The following TENM3 variants were observed in gnomAD, a reference collection of about 807,000 sequenced individuals.
TENM3 encodes teneurin-3.
TENM3 carries 63 observed loss-of-function variants against 255.1 expected under a neutral mutation model. The ratio of observed to expected loss-of-function variants is 0.25; its 90% CI spans 0.20 to 0.30. The LOEUF (loss-of-function observed/expected upper bound fraction) is 0.30, where lower values mean the gene tolerates loss of function less well. TENM3 is among the 10% of genes least tolerant of loss of function. The pLI, the probability that TENM3 is intolerant of heterozygous loss-of-function variation, is 1.00. For synonymous variants in TENM3, 1,306 were observed against 1,322.3 expected (o/e 0.99, Z 0.27); for missense variants, 2,929 against 3,461.1 (o/e 0.85, Z 3.86).
At chr4:182,560,245 C>T (rs964364024) in intron 3 of TENM3, among the ~76,000 whole-genome samples, 2 of 151,972 alleles carry the variant, frequency 1.3e-5, no homozygotes, top group African/African-American at 4.8e-5. Context: ...CATAAATACA[C>T]TTTTATTTAT....
At chr4:181,905,864 A>G in the TENM3 span, 1 of 463,640 alleles carries the variant, frequency 2.2e-6, no homozygotes, top group Non-Finnish European at 4.1e-6. Flanking sequence ...TATCATCATT[A>G]TCTTCACAGC....
At chr4:182,508,857 A>C (rs758803027) in intron 3 of TENM3, among the ~76,000 whole-genome samples, 1 of 152,256 alleles carries the variant, frequency 6.6e-6, no homozygotes, top group Non-Finnish European at 1.5e-5. Context: ...CATGGACAGA[A>C]ACAGTTGATA....
At chr4:182,636,300 A>T (rs1349509802) in intron 5 of TENM3, among the ~76,000 whole-genome samples, 2 of 152,196 alleles carry the variant, frequency 1.3e-5, no homozygotes, top group Non-Finnish European at 2.9e-5. Context: ...TTAAGGACAT[A>T]TTTAAGCCTG....
chr4:182,315,537 G>A (rs536244925), intron 1 of TENM3, among the ~76,000 whole-genome samples: 2 of 151,972 alleles, frequency 1.3e-5, no homozygotes, highest in African/African-American at 4.8e-5. Context: ...CACTGGTTTT[G>A]AGCAGTTAAA....
intron 1 of TENM3, among the ~76,000 whole-genome samples, chr4:182,180,032 T>G: frequency 6.6e-6 from 1 of 152,260 alleles, no homozygotes; most frequent in African/African-American, 2.4e-5. Context: ...ATGTACTTAC[T>G]TAAGTATTTG....
the TENM3 span, among the ~76,000 whole-genome samples, chr4:181,541,082 T>C: frequency 3.3e-5 from 5 of 152,102 alleles, no homozygotes; most frequent in African/African-American, 9.7e-5. Flanking sequence ...GTATATGCAT[T>C]GAAAGTTCAG....
rs185861822 is a variant in TENM3 at position 182,600,795 on chromosome 4, T to A, written c.512-129T>A. 2.6e-4 allele frequency: 129 copies of A among 489,238 alleles called. 1 individual carries two copies. The highest frequency in any genetic ancestry group is 2.4e-3 in the African/African-American group (122 of 50,532). The allele number at this position is 489,238 out of a possible 1,614,324, so 30.3% of individuals were successfully genotyped here. ...AGAATAATATGCAAATTTATTAGGT[T>A]ATGGATTTATATGCAGTTTTTAATT... On this transcript the variant is annotated intron_variant, in intron 3 of 27. Transcript: ENST00000511685.
At chr4:182,556,427 A>C (rs1185734709) in intron 3 of TENM3, among the ~76,000 whole-genome samples, 1 of 152,178 alleles carries the variant, frequency 6.6e-6, no homozygotes, top group Non-Finnish European at 1.5e-5. Flanking sequence ...TGCATTACAA[A>C]CTCAACTATG....
Position 182,457,226 on chromosome 4 carries a change from A to C in TENM3, c.511+110297A>C, listed in dbSNP as rs28691573. On this transcript the variant is annotated intron_variant, in intron 3 of 27. Coordinates refer to ENST00000511685, the MANE Select transcript of TENM3 (RefSeq NM_001080477.4). ...AAGAACAAAAACCCCACAATACTCT[A>C]AAAACCAATTTTACTTTTTCCTGAG... 6.6e-3 allele frequency among the ~76,000 whole-genome samples: 1,008 copies of C among 151,768 alleles called. 8 individuals are homozygous for C. Among genetic ancestry groups the C allele is most frequent in the African/African-American group, 0.023 (954 of 41,466 alleles).
the TENM3 span, among the ~76,000 whole-genome samples, chr4:181,939,739 G>C: frequency 6.6e-6 from 1 of 152,248 alleles, no homozygotes; most frequent in Non-Finnish European, 1.5e-5. Flanking sequence ...AGGGGCCAGG[G>C]TGAGTGGAGA....
chr4:182,083,215 G>T, the TENM3 span, among the ~76,000 whole-genome samples: 1 of 152,186 alleles, frequency 6.6e-6, no homozygotes, highest in Non-Finnish European at 1.5e-5. Context: ...CAATTTTACT[G>T]TTAGATATGT....
At chr4:181,576,480 G>T in the TENM3 span, among the ~76,000 whole-genome samples, 1 of 152,078 alleles carries the variant, frequency 6.6e-6, no homozygotes, top group Non-Finnish European at 1.5e-5. Flanking sequence ...TCTATTTCTA[G>T]TCCCTTGGGA....
chr4:181,754,948 G>A, the TENM3 span, among the ~76,000 whole-genome samples: 3 of 152,122 alleles, frequency 2.0e-5, no homozygotes, highest in African/African-American at 7.2e-5. Flanking sequence ...ACATTATCAA[G>A]GTCACGTGTT....
chr4:182,639,863 G>A (rs545329679), intron 5 of TENM3, among the ~76,000 whole-genome samples: 5 of 152,064 alleles, frequency 3.3e-5, no homozygotes, highest in African/African-American at 7.2e-5. Flanking sequence ...AGCCTGAGGC[G>A]GGCAGATCAC....
rs80093405 is a variant in TENM3 at position 182,256,641 on chromosome 4, T to C, written c.-76+13165T>C. Reference sequence around the variant, plus strand: ...GCTTTTCTCCTTTTATCTTGTAAAGTAGCCTTACGTCTTTGATCCACTCGT... The same window carrying C: ...GCTTTTCTCCTTTTATCTTGTAAAGCAGCCTTACGTCTTTGATCCACTCGT... On this transcript the variant is annotated intron_variant, in intron 1 of 27. Coordinates refer to ENST00000511685, the MANE Select transcript of TENM3 (RefSeq NM_001080477.4). Among the ~76,000 whole-genome samples the C allele has an allele frequency of 6.5e-3, 984 of 152,324 alleles. 8 individuals carry two copies. The highest frequency in any genetic ancestry group is 0.023 in the African/African-American group (958 of 41,564).
intron 1 of TENM3, among the ~76,000 whole-genome samples, chr4:182,210,049 G>T (rs150756534): frequency 2.0e-3 from 300 of 152,270 alleles, no homozygotes; most frequent in African/African-American, 6.7e-3. Flanking sequence ...CCTCCGCCAT[G>T]AATCCTGTTT....
chr4:182,383,579 T>A (rs1355651619), intron 3 of TENM3, among the ~76,000 whole-genome samples: 1 of 152,074 alleles, frequency 6.6e-6, no homozygotes, highest in African/African-American at 2.4e-5. Flanking sequence ...ACCCAAATAG[T>A]GAATATAATA....
chr4:181,860,743 TAAAC>T, the TENM3 span, among the ~76,000 whole-genome samples: 3 of 152,174 alleles, frequency 2.0e-5, no homozygotes, highest in East Asian at 1.9e-4. Context: ...TCCCAGAACT[TAAAC>T]AAAGCTGCTA....
intron 22 of TENM3, 42 bp from the exon 23 acceptor site, chr4:182,773,430 C>A: frequency 2.6e-6 from 4 of 1,523,874 alleles, no homozygotes; most frequent in Non-Finnish European, 3.6e-6. Context: ...GAAGAAACTG[C>A]AGTTTCCTAT....
Sources: allele counts gnomAD v4.1 joint callset (sites outside exome capture counted in the v4.1 genomes callset), GRCh38; gene constraint gnomAD v4.1.1; transcripts MANE v1.5; gene names NCBI Gene and HGNC (gene_info 2026-07-23, HGNC 2026-07-21).